The following CDH13 variants were observed in gnomAD, a reference collection of about 807,000 sequenced individuals.
CDH13 encodes cadherin-13.
A neutral mutation model predicts 63.8 loss-of-function variants in CDH13; 24 were observed. The observed-to-expected ratio is 0.38, with a 90% CI of 0.27 to 0.53. The LOEUF (loss-of-function observed/expected upper bound fraction) is 0.53, where lower values mean the gene tolerates loss of function less well. Among genes scored for constraint, CDH13 ranks in the 20% least tolerant of loss-of-function variants. The probability of loss-of-function intolerance (pLI) is 0.85; values close to 1 mark genes in which losing one functional copy is unlikely to be tolerated. For missense variants in CDH13, 1,049 were observed against 903.1 expected (o/e 1.16, Z -2.07); for synonymous variants, 503 against 355.3 (o/e 1.42, Z -4.67).
In CDH13 at chr16:82,710,602, A is replaced by G. The variant is rs9938926; in HGVS notation, c.45+83465A>G. Among the ~76,000 whole-genome samples, 360 of 141,562 alleles carry G rather than the reference A, an allele frequency of 2.5e-3. 3 individuals are homozygous for G. Among genetic ancestry groups the G allele is most frequent in the African/African-American group, 8.7e-3 (342 of 39,316 alleles). The allele number at this position is 141,562 out of a possible 152,430, so 92.9% of individuals were successfully genotyped here. A position where few individuals can be genotyped will look rare whatever the true frequency, so the allele number is the denominator to read the frequency against. ...AAATATATTTCTATATTTATAAAAT[A>G]TATAAAGTATATATGATATACAAAT... On this transcript the variant is annotated intron_variant, in intron 1 of 13. Transcript: ENST00000567109.
chr16:82,777,159 G>A (rs143213646), intron 1 of CDH13, among the ~76,000 whole-genome samples: 37 of 152,262 alleles, frequency 2.4e-4, no homozygotes, highest in African/African-American at 8.4e-4. Context: ...TGTAGCAATA[G>A]CATTTCACTG....
intron 1 of CDH13, among the ~76,000 whole-genome samples, chr16:82,766,006 A>G (rs1248302994): frequency 6.6e-6 from 1 of 152,176 alleles, no homozygotes; most frequent in African/African-American, 2.4e-5. Context: ...CTTAATAGAG[A>G]AATCTACAGC....
At chr16:82,670,764 C>T (rs16958086) in intron 1 of CDH13, among the ~76,000 whole-genome samples, 1,910 of 152,250 alleles carry the variant, frequency 0.013, 36 homozygotes, top group African/African-American at 0.04. Context: ...TTGTCATCAA[C>T]GAGCAATTCA....
intron 3 of CDH13, among the ~76,000 whole-genome samples, chr16:83,118,137 T>C (rs979450187): frequency 6.6e-6 from 1 of 152,118 alleles, no homozygotes; most frequent in African/African-American, 2.4e-5. Flanking sequence ...ATGCTGCGGA[T>C]CACTGTCCGG....
At chr16:83,753,850 T>TA (rs1318836978) in intron 11 of CDH13, among the ~76,000 whole-genome samples, 11 of 151,524 alleles carry the variant, frequency 7.3e-5, no homozygotes, top group East Asian at 1.9e-4. Flanking sequence ...TCAGATAATA[T>TA]AAAAAAATCT....
chr16:83,530,045 ACATGAAG>A (rs1281752062), intron 7 of CDH13, among the ~76,000 whole-genome samples: 4 of 152,154 alleles, frequency 2.6e-5, no homozygotes, highest in South Asian at 4.1e-4. Flanking sequence ...ACTGAGCTGG[ACATGAAG>A]CATGTTCTCT....
intron 4 of CDH13, among the ~76,000 whole-genome samples, chr16:83,139,908 A>C (rs1396712198): frequency 6.6e-6 from 1 of 152,118 alleles, no homozygotes; most frequent in Non-Finnish European, 1.5e-5. Flanking sequence ...AGGCTGAGGC[A>C]GGAGAATTGC....
chr16:83,538,356 TC>T (rs527432006), intron 7 of CDH13, among the ~76,000 whole-genome samples: 11 of 152,320 alleles, frequency 7.2e-5, no homozygotes, highest in South Asian at 2.1e-4. Flanking sequence ...TATACTCATC[TC>T]CGTAGATGAT....
At chr16:83,778,298 G>A (rs1915260997) in intron 11 of CDH13, among the ~76,000 whole-genome samples, 1 of 152,202 alleles carries the variant, frequency 6.6e-6, no homozygotes, top group African/African-American at 2.4e-5. Flanking sequence ...GGGAGGCCGA[G>A]GCAGGTGGAT....
chr16:83,741,365 T>G (rs1012900866), intron 10 of CDH13, among the ~76,000 whole-genome samples: 1 of 152,178 alleles, frequency 6.6e-6, no homozygotes, highest in Non-Finnish European at 1.5e-5. Flanking sequence ...TCCTACAGTT[T>G]TACAGGGTTG....
chr16:83,078,278 A>G (rs1446749051), intron 3 of CDH13, among the ~76,000 whole-genome samples: 2 of 152,178 alleles, frequency 1.3e-5, no homozygotes, highest in Admixed American at 6.5e-5. Context: ...GTAAACAAGC[A>G]GTCCCCAACC....
At chr16:83,259,568 T>C (rs957853979) in intron 5 of CDH13, among the ~76,000 whole-genome samples, 1 of 152,196 alleles carries the variant, frequency 6.6e-6, no homozygotes, top group Non-Finnish European at 1.5e-5. Flanking sequence ...AGTACTTACA[T>C]AGATTACAGG....
chr16:83,770,297 G>A (rs754436780), intron 11 of CDH13, among the ~76,000 whole-genome samples: 2 of 152,138 alleles, frequency 1.3e-5, no homozygotes, highest in Non-Finnish European at 2.9e-5. Context: ...CTCAAACTTC[G>A]AGCTCTGTGG....
intron 6 of CDH13, among the ~76,000 whole-genome samples, chr16:83,436,030 G>C (rs1483311254): frequency 1.3e-5 from 2 of 152,182 alleles, no homozygotes; most frequent in Non-Finnish European, 2.9e-5. Context: ...ATGACTCAGG[G>C]ATGCTAGTGG....
intron 2 of CDH13, among the ~76,000 whole-genome samples, chr16:82,872,030 G>T (rs1297165642): frequency 6.6e-6 from 1 of 152,140 alleles, no homozygotes; most frequent in African/African-American, 2.4e-5. Context: ...AGCCAGGCCT[G>T]GGGAAATGGA....
chr16:83,666,661 C>A (rs1200890250), intron 8 of CDH13, among the ~76,000 whole-genome samples: 1 of 152,218 alleles, frequency 6.6e-6, no homozygotes, highest in African/African-American at 2.4e-5. Flanking sequence ...TGCAAAGCCA[C>A]CTTTGGCTCT....
At chr16:83,280,984 A>T (rs1034655954) in intron 5 of CDH13, among the ~76,000 whole-genome samples, 7 of 152,238 alleles carry the variant, frequency 4.6e-5, no homozygotes, top group Non-Finnish European at 7.3e-5. Flanking sequence ...TTTATAGAGC[A>T]AGATTAAATT....
chr16:83,490,288 G>A (rs1053211817), intron 7 of CDH13, among the ~76,000 whole-genome samples: 2 of 152,180 alleles, frequency 1.3e-5, no homozygotes, highest in African/African-American at 4.8e-5. Context: ...AGATGAGTGG[G>A]GAGGTGGCAG....
chr16:83,535,262 C>T (rs908607752), intron 7 of CDH13, among the ~76,000 whole-genome samples: 1 of 152,224 alleles, frequency 6.6e-6, no homozygotes, highest in African/African-American at 2.4e-5. Context: ...GAAAGAGACA[C>T]AGGCTTTTAT....
Sources: allele counts gnomAD v4.1 joint callset (sites outside exome capture counted in the v4.1 genomes callset), GRCh38; gene constraint gnomAD v4.1.1; transcripts MANE v1.5; gene names NCBI Gene and HGNC (gene_info 2026-07-23, HGNC 2026-07-21).